CCDC186: variants seen among roughly 807,000 people sequenced by gnomAD.
CCDC186 encodes the protein coiled-coil domain containing 186.
CCDC186 carries 49 observed loss-of-function variants against 113.7 expected under a neutral mutation model. The ratio of observed to expected loss-of-function variants is 0.43; its 90% CI spans 0.34 to 0.55. The LOEUF is 0.55. CCDC186 is among the 20% of genes least tolerant of loss of function. CCDC186 has a pLI of 0.02. For synonymous variants in CCDC186, 355 were observed against 345.8 expected, an observed-to-expected ratio of 1.03 and a Z score of -0.30; for missense variants, 890 against 1,011.1, an observed-to-expected ratio of 0.88 and a Z score of 1.62.
intron 6 of CCDC186, among the ~76,000 whole-genome samples, chr10:114,139,058 T>C (rs2031373622): frequency 1.3e-5 from 2 of 152,250 alleles, no homozygotes; most frequent in African/African-American, 2.4e-5. Context: ...TAATACAGCA[T>C]ATAGCTTCTC....
At chr10:114,173,825 G>A (rs1428069576) in intron 1 of CCDC186, among the ~76,000 whole-genome samples, 190 bp downstream of exon 1, 2 of 152,192 alleles carry the variant, frequency 1.3e-5, no homozygotes, top group Non-Finnish European at 2.9e-5. Flanking sequence ...CTTGAAACCC[G>A]TTCCCCAGCC....
chr10:114,125,220 G>C lies in CCDC186; in HGVS notation c.2620C>G (p.Leu874Val). The C allele has an allele frequency of 6.2e-7, 1 of 1,607,462 alleles. No individual in the cohort carries two copies. The highest frequency in any genetic ancestry group is 8.5e-7 in the Non-Finnish European group (1 of 1,175,396). ...TCTATTTCTGTTCCAAGTGTTTGTA[G>C]ATTTTCCTTTAATAATTGGGGTGAG... Reference protein sequence around the residue: ...LLKNITLKENLQTLGTEIERL... With the variant: ...LLKNITLKENVQTLGTEIERL... The change falls in exon 16 of 16, where the codon CTA (leucine) becomes GTA (valine). Residue 874 changes from leucine to valine, a missense_variant. By Grantham distance (32) the Leu-to-Val change is conservative. Coordinates refer to ENST00000369287, the MANE Select transcript of CCDC186 (RefSeq NM_018017.4).
chr10:114,173,564 G>A (rs1404304577), intron 1 of CCDC186, among the ~76,000 whole-genome samples: 1 of 152,240 alleles, frequency 6.6e-6, no homozygotes, highest in African/African-American at 2.4e-5. Context: ...GTTTGGAAGA[G>A]GGTAACAAGT....
At chr10:114,149,914 T>C (rs2031795295) in intron 4 of CCDC186, among the ~76,000 whole-genome samples, 1 of 152,116 alleles carries the variant, frequency 6.6e-6, no homozygotes. Flanking sequence ...TGGCTGGCTA[T>C]GTTTGGGCCC....
At chr10:114,136,541 A>G (rs1036192458) in intron 7 of CCDC186, among the ~76,000 whole-genome samples, 13 of 152,220 alleles carry the variant, frequency 8.5e-5, no homozygotes, top group African/African-American at 2.9e-4. Context: ...TACTTTGAAA[A>G]GAAAGCATTG....
chr10:114,137,123 GA>G, intron 7 of CCDC186, 62 bp downstream of exon 7: 1 of 1,302,012 alleles, frequency 7.7e-7, no homozygotes, highest in Non-Finnish European at 1.1e-6. Flanking sequence ...TCTAAAAAAA[GA>G]AAAAGAGAGA....
Position 114,132,716 on chromosome 10 carries a change from TA to T in CCDC186, c.1656-533del, listed in dbSNP as rs557156157. 4.6e-5 allele frequency among the ~76,000 whole-genome samples: 7 copies of T among 152,254 alleles called. No individual in the cohort carries two copies. The East Asian group carries it at 1.4e-3, about 29-fold the overall frequency. On this transcript the variant is annotated intron_variant, in intron 10 of 15. Transcript: ENST00000369287. ...TGTAAGCCATGGTTGATCCCTGACC[TA>T]AAGGCAAAGCAGGAGTTACTGGAGA...
chr10:114,145,103 G>T (rs1403303686), intron 5 of CCDC186, among the ~76,000 whole-genome samples: 1 of 152,044 alleles, frequency 6.6e-6, no homozygotes, highest in Non-Finnish European at 1.5e-5. Flanking sequence ...ATCTAAGAAA[G>T]ACATGTTTTT....
intron 3 of CCDC186, among the ~76,000 whole-genome samples, chr10:114,156,409 C>T (rs944867163): frequency 2.0e-5 from 3 of 152,214 alleles, no homozygotes; most frequent in African/African-American, 7.2e-5. Flanking sequence ...TTGATTCATG[C>T]ATCAGAGGAG....
intron 3 of CCDC186, among the ~76,000 whole-genome samples, chr10:114,156,828 A>G (rs1279095990): frequency 2.0e-5 from 3 of 152,222 alleles, no homozygotes; most frequent in South Asian, 2.1e-4. Flanking sequence ...CAGCCTTCAC[A>G]ATATAGTTTT....
At position 114,123,371 on chromosome 10, in the gene CCDC186, T is replaced by G. The variant is rs1447853525; in HGVS notation, c.*1772A>C. ...TTGGGATAACATCTAATTCAATATA[T>G]AGAAAAAAAGACATTCATTAAATAA... On this transcript the variant is annotated 3_prime_UTR_variant, in exon 16 of 16. Transcript: ENST00000369287. The G allele has an allele frequency of 3.3e-5, 5 of 152,174 alleles. No individual in the cohort carries two copies. The highest frequency in any genetic ancestry group is 7.4e-5 in the Non-Finnish European group (5 of 67,988). The allele number at this position is 152,174 out of a possible 1,614,324, so 9.4% of individuals were successfully genotyped here. A position where few individuals can be genotyped will look rare whatever the true frequency, so the allele number is the denominator to read the frequency against.
chr10:114,149,303 T>C (rs919008909), intron 4 of CCDC186, among the ~76,000 whole-genome samples: 15 of 152,204 alleles, frequency 9.9e-5, no homozygotes, highest in African/African-American at 3.6e-4. Flanking sequence ...TGCAGTACAT[T>C]GCCATTTGTT....
At chr10:114,143,104 C>T (rs1181659224) in intron 6 of CCDC186, among the ~76,000 whole-genome samples, 1 of 152,112 alleles carries the variant, frequency 6.6e-6, no homozygotes, top group East Asian at 1.9e-4. Flanking sequence ...TTCTACATAC[C>T]AAGTCAATAT....
At chr10:114,155,211 G>C (rs2031974730) in intron 3 of CCDC186, among the ~76,000 whole-genome samples, 2 of 152,172 alleles carry the variant, frequency 1.3e-5, no homozygotes, top group South Asian at 4.1e-4. Flanking sequence ...CTTAAAATAA[G>C]TGAACTGTGT....
chr10:114,143,129 T>C (rs1352744844), intron 6 of CCDC186, among the ~76,000 whole-genome samples: 1 of 152,244 alleles, frequency 6.6e-6, no homozygotes, highest in Non-Finnish European at 1.5e-5. Context: ...GTTCATTTTC[T>C]AGCAATCTGC....
chr10:114,141,229 T>C (rs1589615472), intron 6 of CCDC186, among the ~76,000 whole-genome samples: 1 of 152,238 alleles, frequency 6.6e-6, no homozygotes, highest in East Asian at 1.9e-4. Flanking sequence ...TTCCTTCTCA[T>C]GATGGGCTCC....
chr10:114,144,698 G>T, intron 5 of CCDC186, 82 bp from the exon 6 acceptor site: 2 of 1,231,018 alleles, frequency 1.6e-6, no homozygotes, highest in Non-Finnish European at 1.1e-6. Context: ...AAAGTAATCA[G>T]TCCAGTAACA....
chr10:114,131,068 G>T, intron 12 of CCDC186, 79 bp downstream of exon 12: 1 of 1,186,686 alleles, frequency 8.4e-7, no homozygotes, highest in Non-Finnish European at 1.1e-6. Flanking sequence ...AATCAATGTG[G>T]CAGAATCACA....
intron 9 of CCDC186, 61 bp downstream of exon 9, chr10:114,135,830 A>C (rs2119718015): frequency 7.7e-7 from 1 of 1,291,306 alleles, no homozygotes; most frequent in Non-Finnish European, 1.1e-6. Flanking sequence ...AAAAATCAGA[A>C]TGAATTCAAA....
Sources: gnomAD v4.1 joint callset for allele counts (sites outside exome capture counted in the v4.1 genomes callset) on GRCh38, gnomAD v4.1.1 for gene constraint, MANE v1.5 for transcripts, NCBI Gene and HGNC (gene_info 2026-07-23, HGNC 2026-07-21) for gene names.